ZNF385D: variants seen among roughly 807,000 people sequenced by gnomAD.
ZNF385D encodes the protein zinc finger protein 385D, also known as zinc finger protein 659.
A neutral mutation model predicts 35.8 loss-of-function variants in ZNF385D; 15 were observed. The observed-to-expected ratio is 0.42, with a 90% CI of 0.28 to 0.64. The LOEUF is 0.64. Ranked by LOEUF, ZNF385D falls within the 30% of genes least tolerant of loss-of-function variation. ZNF385D has a pLI of 0.23. For missense variants in ZNF385D, 474 were observed against 494.6 expected (o/e 0.96, Z 0.39); for synonymous variants, 212 against 186.8 (o/e 1.13, Z -1.10).
chr3:21,947,004 A>AG lies in ZNF385D; in HGVS notation c.325+221812_325+221813insC, dbSNP rs59026095. On this transcript the variant is annotated intron_variant, in intron 3 of 5. Transcript: ENST00000494108. ...TAATGCCAATTTGACCCTTCTAAAA[A>AG]AAAACATCAGTTTGAGTATGCCTGA... Among the ~76,000 whole-genome samples, 381 of 152,318 alleles carry AG rather than the reference A, an allele frequency of 2.5e-3. 1 individual carries two copies. The highest frequency in any genetic ancestry group is 8.7e-3 in the African/African-American group (363 of 41,568).
In ZNF385D at chr3:21,633,623, C is replaced by T. The variant is rs554770393; in HGVS notation, c.165+31263G>A. Among the ~76,000 whole-genome samples, 13 of 152,124 alleles carry T rather than the reference C, an allele frequency of 8.5e-5. No homozygotes were observed. In the East Asian group the frequency reaches 2.5e-3, roughly 29 times the overall value. The stretch of plus-strand genomic sequence containing the variant: ...TATTAGTTCTGGGCTCTCCTGACTT[C>T]ACTGAGGAAATATCAGATAGTATTT... On this transcript the variant is annotated intron_variant, in intron 2 of 7. Transcript: ENST00000281523.
At position 22,280,701 on chromosome 3, in the gene ZNF385D, T is replaced by C. The variant is rs149380395; in HGVS notation, c.106+91749A>G. 9.8e-3 allele frequency among the ~76,000 whole-genome samples: 1,499 copies of C among 152,288 alleles called. 11 individuals are homozygous for C. The highest frequency in any genetic ancestry group is 0.017 in the Middle Eastern group (5 of 294). ...TATAGTTTGAAGTCGGGTAATGTAA[T>C]GCCTCCAGATTTGTTCTTCTTGCTT... On this transcript the variant is annotated intron_variant, in intron 2 of 5. Transcript: ENST00000494108.
intron 3 of ZNF385D, among the ~76,000 whole-genome samples, chr3:22,147,755 G>A (rs1704953766): frequency 6.6e-6 from 1 of 152,134 alleles, no homozygotes; most frequent in Non-Finnish European, 1.5e-5. Flanking sequence ...CAATGAAAGA[G>A]TTAGGATTGA....
chr3:22,037,559 GT>G (rs1559323052), intron 3 of ZNF385D, among the ~76,000 whole-genome samples: 3 of 152,104 alleles, frequency 2.0e-5, no homozygotes, highest in African/African-American at 7.2e-5. Context: ...TGATGGGGTT[GT>G]TTTTTTCTTG....
intron 2 of ZNF385D, among the ~76,000 whole-genome samples, chr3:22,280,038 A>T (rs1244298077): frequency 6.6e-6 from 1 of 152,008 alleles, no homozygotes; most frequent in Non-Finnish European, 1.5e-5. Context: ...ATCGTTAGTG[A>T]TGTTGAACAT....
intron 3 of ZNF385D, among the ~76,000 whole-genome samples, chr3:21,535,826 G>C (rs982779188): frequency 1.3e-5 from 2 of 151,914 alleles, no homozygotes; most frequent in African/African-American, 4.8e-5. Flanking sequence ...GGTATGTCTA[G>C]CCACACTTAT....
chr3:21,513,714 T>C (rs190112146), intron 3 of ZNF385D, among the ~76,000 whole-genome samples: 2 of 152,200 alleles, frequency 1.3e-5, no homozygotes, highest in Admixed American at 1.3e-4. Flanking sequence ...AAGGCTAATA[T>C]AGACAGATAA....
intron 3 of ZNF385D, among the ~76,000 whole-genome samples, chr3:22,147,303 G>T (rs1447515956): frequency 1.3e-5 from 2 of 152,212 alleles, no homozygotes; most frequent in Non-Finnish European, 2.9e-5. Flanking sequence ...GGTTTGTGGG[G>T]GATTGATGCC....
intron 2 of ZNF385D, among the ~76,000 whole-genome samples, chr3:22,244,821 G>C (rs961079878): frequency 2.1e-5 from 3 of 145,142 alleles, no homozygotes; most frequent in Admixed American, 6.9e-5. Flanking sequence ...TTTTTTCCTT[G>C]ATTTTTTTTT....
At chr3:21,566,033 T>C (rs2063133798) in intron 2 of ZNF385D, among the ~76,000 whole-genome samples, 1 of 152,220 alleles carries the variant, frequency 6.6e-6, no homozygotes, top group Non-Finnish European at 1.5e-5. Flanking sequence ...TTCTGACTTC[T>C]TTGTATTCAC....
At chr3:22,258,179 G>T (rs572558223) in intron 2 of ZNF385D, among the ~76,000 whole-genome samples, 1 of 151,650 alleles carries the variant, frequency 6.6e-6, no homozygotes, top group Non-Finnish European at 1.5e-5. Context: ...GGGAAATTTT[G>T]CCCCCAAAAA....
intron 3 of ZNF385D, among the ~76,000 whole-genome samples, chr3:21,827,275 ATTGT>A (rs1694701796): frequency 6.6e-6 from 1 of 152,138 alleles, no homozygotes; most frequent in African/African-American, 2.4e-5. Flanking sequence ...TTCCCTGGAT[ATTGT>A]TTATTTTATA....
chr3:22,106,724 A>G (rs905381116), intron 3 of ZNF385D, among the ~76,000 whole-genome samples: 4 of 152,212 alleles, frequency 2.6e-5, no homozygotes, highest in African/African-American at 9.6e-5. Flanking sequence ...CCTGTCTTCC[A>G]GAATCCCTAC....
At chr3:21,984,162 T>G (rs1361089434) in intron 3 of ZNF385D, among the ~76,000 whole-genome samples, 5 of 133,188 alleles carry the variant, frequency 3.8e-5, no homozygotes, top group Admixed American at 2.1e-4. Flanking sequence ...AGAAGCTCTT[T>G]AGTTTAATTA....
Position 21,988,145 on chromosome 3 carries a change from A to G in ZNF385D, c.325+180672T>C, listed in dbSNP as rs867292243. Among the ~76,000 whole-genome samples the G allele has an allele frequency of 6.2e-3, 795 of 128,476 alleles. 9 individuals are homozygous for G. The highest frequency in any genetic ancestry group is 0.016 in the African/African-American group (551 of 35,042). The allele number at this position is 128,476 out of a possible 152,430, so 84.3% of individuals were successfully genotyped here. On this transcript the variant is annotated intron_variant, in intron 3 of 5. Coordinates refer to the ZNF385D transcript ENST00000494108. ...TCCCGTAGCTCAGAGTCATTTGATC[A>G]TCTGAAGCCTTCTTCTCTCAACTCG... is the stretch of plus-strand genomic sequence containing the variant.
intron 3 of ZNF385D, among the ~76,000 whole-genome samples, chr3:21,563,774 C>T (rs2063041938): frequency 6.6e-6 from 1 of 152,188 alleles, no homozygotes; most frequent in East Asian, 1.9e-4. Context: ...CCTATTCCTT[C>T]TAGACCAACG....
At chr3:22,085,586 A>T (rs1428411235) in intron 3 of ZNF385D, among the ~76,000 whole-genome samples, 2 of 152,176 alleles carry the variant, frequency 1.3e-5, no homozygotes, top group African/African-American at 4.8e-5. Flanking sequence ...AATAATTAAC[A>T]GCCTACCAAC....
chr3:22,251,546 A>G (rs1466941992), intron 2 of ZNF385D, among the ~76,000 whole-genome samples: 1 of 152,110 alleles, frequency 6.6e-6, no homozygotes. Flanking sequence ...CAGCTTCAGC[A>G]CTATTGACAT....
At chr3:22,142,056 C>T (rs1704537653) in intron 3 of ZNF385D, among the ~76,000 whole-genome samples, 1 of 152,102 alleles carries the variant, frequency 6.6e-6, no homozygotes, top group South Asian at 2.1e-4. Flanking sequence ...TTGTGAGTAA[C>T]TGAAACATGA....
Sources: gnomAD v4.1 joint callset for allele counts (sites outside exome capture counted in the v4.1 genomes callset) on GRCh38, gnomAD v4.1.1 for gene constraint, MANE v1.5 for transcripts, NCBI Gene and HGNC (gene_info 2026-07-23, HGNC 2026-07-21) for gene names.